IQCM: variants seen among roughly 807,000 people sequenced by gnomAD.
IQCM encodes IQ domain-containing protein M.
Under a neutral mutation model 57.6 loss-of-function variants are expected in IQCM, and 45 were observed. The observed-to-expected ratio is 0.78, with a 90% CI of 0.62 to 1.00. IQCM has a LOEUF of 1.00. Ranked by LOEUF, IQCM falls within the 50% of genes least tolerant of loss-of-function variation. The pLI, the probability that IQCM is intolerant of heterozygous loss-of-function variation, is 0.00. For missense variants in IQCM, 468 were observed against 511.6 expected (o/e 0.91, Z 0.82); for synonymous variants, 148 against 158.9 (o/e 0.93, Z 0.51).
intron 13 of IQCM, among the ~76,000 whole-genome samples, chr4:149,392,756 A>G (rs562054355): frequency 1.3e-5 from 2 of 152,044 alleles, no homozygotes; most frequent in Non-Finnish European, 2.9e-5. Flanking sequence ...TGCTCCAGGA[A>G]AAAGGCCACC....
chr4:149,785,255 T>C (rs552368952), intron 2 of IQCM, among the ~76,000 whole-genome samples: 1 of 152,312 alleles, frequency 6.6e-6, no homozygotes, highest in East Asian at 1.9e-4. Context: ...CTTAGAATTT[T>C]ATACTCATCA....
rs187747195 is a variant in IQCM, at chr4:149,503,964, A to T, written c.1228+44491T>A. 2.5e-3 allele frequency among the ~76,000 whole-genome samples: 377 copies of T among 152,298 alleles called. 3 individuals are homozygous for T. Among genetic ancestry groups the T allele is most frequent in the Non-Finnish European group, 3.9e-3 (268 of 68,024 alleles). On this transcript the variant is annotated intron_variant, in intron 12 of 13. Coordinates refer to ENST00000636793, the MANE Select transcript of IQCM (RefSeq NM_001363507.2). ...TTAAGAAAAAAAGACAATCACACAA[A>T]TTAAACAAATTAGCAAATCACCCAA... is the stretch of plus-strand genomic sequence containing the variant.
intron 13 of IQCM, among the ~76,000 whole-genome samples, chr4:149,373,629 T>C (rs997305165): frequency 5.9e-5 from 9 of 152,164 alleles, no homozygotes; most frequent in Non-Finnish European, 1.0e-4. Context: ...TATATGTGTG[T>C]ATTTTATACA....
At chr4:149,357,484 C>T (rs1729090925) in intron 13 of IQCM, among the ~76,000 whole-genome samples, 1 of 152,132 alleles carries the variant, frequency 6.6e-6, no homozygotes, top group African/African-American at 2.4e-5. Context: ...AAGGCCTTTT[C>T]TGCGTCTATT....
chr4:149,735,537 C>T, intron 3 of IQCM, 79 bp from the exon 4 acceptor site: 1 of 562,036 alleles, frequency 1.8e-6, no homozygotes, highest in Non-Finnish European at 2.7e-6. Context: ...TAAAAGGAAG[C>T]AAAAGAAATA....
chr4:149,546,468 C>T (rs1748446793), intron 12 of IQCM, among the ~76,000 whole-genome samples: 1 of 152,216 alleles, frequency 6.6e-6, no homozygotes, highest in South Asian at 2.1e-4. Flanking sequence ...TCTCCACATC[C>T]TCTCCAGCAC....
chr4:149,470,262 T>C (rs1739365771), intron 12 of IQCM, among the ~76,000 whole-genome samples: 1 of 144,282 alleles, frequency 6.9e-6, no homozygotes, highest in South Asian at 2.2e-4. Context: ...AGGCTCAAAA[T>C]AAAGGGTTGG....
At chr4:149,694,690 A>T (rs1331135665) in intron 5 of IQCM, among the ~76,000 whole-genome samples, 1 of 152,166 alleles carries the variant, frequency 6.6e-6, no homozygotes, top group Admixed American at 6.5e-5. Context: ...GTGTCAGAAA[A>T]GGGAGTGTGT....
intron 5 of IQCM, among the ~76,000 whole-genome samples, chr4:149,722,064 T>C (rs1369952392): frequency 6.6e-6 from 1 of 152,114 alleles, no homozygotes; most frequent in African/African-American, 2.4e-5. Context: ...GAATTCTTCA[T>C]ATGTTTTTTG....
chr4:149,734,500 G>A (rs17502597), intron 4 of IQCM, among the ~76,000 whole-genome samples: 64,797 of 151,958 alleles, frequency 0.43, 15,221 homozygotes, highest in Middle Eastern at 0.56. Context: ...TTGGCATAAA[G>A]GACCATTCAA....
At chr4:149,694,158 ATTCAG>A in intron 5 of IQCM, among the ~76,000 whole-genome samples, 1 of 150,826 alleles carries the variant, frequency 6.6e-6, no homozygotes, top group South Asian at 2.1e-4. Context: ...AATACCTCTT[ATTCAG>A]TTACATAGAT....
At chr4:149,682,390 C>G (rs1161193271) in intron 6 of IQCM, among the ~76,000 whole-genome samples, 184 bp from the exon 7 acceptor site, 1 of 151,080 alleles carries the variant, frequency 6.6e-6, no homozygotes, top group African/African-American at 2.4e-5. Context: ...AGACAAAATA[C>G]TACGAAATTT....
intron 12 of IQCM, among the ~76,000 whole-genome samples, chr4:149,500,884 A>G (rs1743171229): frequency 6.6e-6 from 1 of 152,178 alleles, no homozygotes; most frequent in Non-Finnish European, 1.5e-5. Context: ...TTAGGATATA[A>G]TGTAAAAAGA....
chr4:149,617,241 C>T, intron 8 of IQCM, among the ~76,000 whole-genome samples: 1 of 152,084 alleles, frequency 6.6e-6, no homozygotes, highest in East Asian at 1.9e-4. Flanking sequence ...TGGCATGAGC[C>T]ACTGCACCCA....
In IQCM at chr4:149,353,462, C is replaced by T. The variant is rs546102577; in HGVS notation, c.1391-1396G>A. Among the ~76,000 whole-genome samples the T allele has an allele frequency of 5.3e-5, 8 of 152,216 alleles. No homozygotes were observed. The East Asian group carries it at 7.7e-4, about 15-fold the overall frequency. ...TACCCAAAGGAAATGAAATCACCAC[C>T]TTGTAAAGATTATCTACACGTGCAC... On this transcript the variant is annotated intron_variant, in intron 13 of 13. Transcript: ENST00000636793.
chr4:149,481,701 G>GTTTTTTTTTTTTTTTTGTTGTTTTTTT (rs1740840692), intron 12 of IQCM, among the ~76,000 whole-genome samples: 1 of 51,550 alleles, frequency 1.9e-5, no homozygotes, highest in African/African-American at 7.6e-5. Context: ...TTCCAGTTTT[G>GTTTTTTTTTTTTTTTTGTTGTTTTTTT]TTTTTTTTTT....
intron 2 of IQCM, among the ~76,000 whole-genome samples, chr4:149,775,772 C>T (rs1771032403): frequency 6.6e-6 from 1 of 152,114 alleles, no homozygotes; most frequent in Admixed American, 6.5e-5. Context: ...CACTAGAAAA[C>T]ACTATCTATA....
intron 12 of IQCM, among the ~76,000 whole-genome samples, chr4:149,545,771 A>G (rs1748336963): frequency 6.6e-6 from 1 of 152,112 alleles, no homozygotes; most frequent in Non-Finnish European, 1.5e-5. Flanking sequence ...CAAGATAAGA[A>G]AGCAACCTAA....
At chr4:149,586,607 C>G (rs759153513) in intron 9 of IQCM, among the ~76,000 whole-genome samples, 16 of 151,374 alleles carry the variant, frequency 1.1e-4, no homozygotes, top group Non-Finnish European at 1.3e-4. Flanking sequence ...TCATTGCTTT[C>G]TGTTCTTATC....
Sources: allele counts gnomAD v4.1 joint callset (sites outside exome capture counted in the v4.1 genomes callset), GRCh38; gene constraint gnomAD v4.1.1; transcripts MANE v1.5; gene names NCBI Gene and HGNC (gene_info 2026-07-23, HGNC 2026-07-21).